Variants in NRXN1 observed in about 807,000 individuals in gnomAD.
NRXN1 encodes neurexin-1.
A neutral mutation model predicts 150.9 loss-of-function variants in NRXN1; 39 were observed. The observed-to-expected ratio is 0.26, with a 90% CI of 0.20 to 0.34. The LOEUF (loss-of-function observed/expected upper bound fraction) is 0.34, where lower values mean the gene tolerates loss of function less well. Ranked by LOEUF, NRXN1 falls within the 10% of genes least tolerant of loss-of-function variation. NRXN1 has a pLI of 1.00. For synonymous variants in NRXN1, 924 were observed against 757.0 expected, an observed-to-expected ratio of 1.22 and a Z score of -3.62; for missense variants, 1,815 against 1,949.9, an observed-to-expected ratio of 0.93 and a Z score of 1.30.
chr2:50,469,321 T>C (rs1193733663), intron 16 of NRXN1, among the ~76,000 whole-genome samples: 1 of 151,690 alleles, frequency 6.6e-6, no homozygotes, highest in East Asian at 1.9e-4. Context: ...AAATGAACCA[T>C]TACTCCCTGA....
At chr2:49,932,735 AT>A (rs1376710782) in intron 22 of NRXN1, among the ~76,000 whole-genome samples, 1 of 152,124 alleles carries the variant, frequency 6.6e-6, no homozygotes, top group Non-Finnish European at 1.5e-5. Context: ...TTTGTTTCTT[AT>A]TTTATGTAGT....
Position 51,028,132 on chromosome 2 carries a change from C to A in NRXN1, c.142G>T (p.Ala48Ser). ...AAGCTCATCTCGCTCTCGCAGCAGG[C>A]GTTCCACTTGGGGAAGCGCGTCCAT... ...GQWTRFPKWN[A>S]CCESEMSFQL... Residue 48 changes from alanine (A) to serine (S), a missense_variant, in exon 2 of 23, where the codon GCC becomes TCC. This residue lies in a region of NRXN1 where 554 missense variants were observed against 478.8 expected (regional missense o/e 1.16). Coordinates refer to ENST00000401669, the MANE Select transcript of NRXN1 (RefSeq NM_001330078.2). 1 of 1,562,488 alleles carries A rather than the reference C, an allele frequency of 6.4e-7. No individual in the cohort carries two copies. Among genetic ancestry groups the A allele is most frequent in the Admixed American group, 1.8e-5 (1 of 56,280 alleles).
chr2:50,925,319 A>T (rs144300456), intron 3 of NRXN1, among the ~76,000 whole-genome samples: 1 of 151,876 alleles, frequency 6.6e-6, no homozygotes, highest in Non-Finnish European at 1.5e-5. Context: ...GACAGAGATA[A>T]TTTTTTATAA....
rs2069026487 is a variant in NRXN1 at position 50,267,414 on chromosome 2, GT to G, written c.3365-30445del. ...TTTATGGTACATATATTTCTTCAAAGTAAGAAAGAACTATTCATTTCAATAA... is the reference window on the plus strand; with the variant it reads ...TTTATGGTACATATATTTCTTCAAAGAAGAAAGAACTATTCATTTCAATAA... On this transcript the variant is annotated intron_variant, in intron 17 of 22. Coordinates refer to ENST00000401669, the MANE Select transcript of NRXN1 (RefSeq NM_001330078.2). 2.6e-5 allele frequency among the ~76,000 whole-genome samples: 4 copies of G among 152,208 alleles called. No individual in the cohort carries two copies. The South Asian group carries it at 8.3e-4, about 32-fold the overall frequency.
At chr2:50,899,329 A>C (rs1284688649) in intron 5 of NRXN1, among the ~76,000 whole-genome samples, 1 of 152,214 alleles carries the variant, frequency 6.6e-6, no homozygotes, top group African/African-American at 2.4e-5. Context: ...TGGTTGCAGA[A>C]GGCTTGGAAC....
At chr2:50,126,687 C>T (rs1704634438) in intron 18 of NRXN1, among the ~76,000 whole-genome samples, 1 of 151,856 alleles carries the variant, frequency 6.6e-6, no homozygotes, top group South Asian at 2.1e-4. Flanking sequence ...AAGAGAACAT[C>T]TCATTAACAT....
chr2:49,988,577 T>C (rs1426546199), intron 21 of NRXN1, among the ~76,000 whole-genome samples: 1 of 150,730 alleles, frequency 6.6e-6, no homozygotes, highest in Non-Finnish European at 1.5e-5. Context: ...TTAGACATTT[T>C]ACCCTCCTTA....
intron 5 of NRXN1, among the ~76,000 whole-genome samples, chr2:50,678,825 G>A (rs1559113157): frequency 6.6e-6 from 1 of 152,106 alleles, no homozygotes; most frequent in Non-Finnish European, 1.5e-5. Flanking sequence ...GGGGAGTAGA[G>A]CAAGATGATT....
At position 50,460,597 on chromosome 2, in the gene NRXN1, G is replaced by T. The variant is rs180920715; in HGVS notation, c.3364+4845C>A. ...TTTATGATGTCAATTCTAAAAAGAA[G>T]AACAAAGATAAGTTTACGTAAAATA... On this transcript the variant is annotated intron_variant, in intron 17 of 22. Transcript: ENST00000401669. Among the ~76,000 whole-genome samples the T allele has an allele frequency of 1.1e-4, 16 of 152,062 alleles. No homozygotes were observed. The East Asian group carries it at 2.7e-3, about 26-fold the overall frequency.
At chr2:50,526,808 G>T (rs2092964239) in intron 12 of NRXN1, 1 of 152,110 alleles carries the variant, frequency 6.6e-6, no homozygotes, top group African/African-American at 2.4e-5. Flanking sequence ...TTGAATTCAA[G>T]TATCACATAC....
intron 2 of NRXN1, among the ~76,000 whole-genome samples, chr2:50,971,193 T>G (rs895749384): frequency 6.6e-6 from 1 of 152,160 alleles, no homozygotes; most frequent in Non-Finnish European, 1.5e-5. Context: ...AATTAGTGCA[T>G]AGTAGACAGC....
chr2:50,741,719 T>A (rs749945748), intron 5 of NRXN1, among the ~76,000 whole-genome samples: 10 of 152,186 alleles, frequency 6.6e-5, no homozygotes, highest in Non-Finnish European at 1.5e-4. Context: ...ATTTTCTTCA[T>A]GCTGGCTTTC....
At chr2:50,170,425 A>T (rs1238502497) in intron 18 of NRXN1, among the ~76,000 whole-genome samples, 2 of 152,204 alleles carry the variant, frequency 1.3e-5, no homozygotes, top group African/African-American at 4.8e-5. Context: ...CATCCTGAGT[A>T]GCTGGGACTA....
intron 5 of NRXN1, among the ~76,000 whole-genome samples, chr2:50,839,219 C>T (rs1192187317): frequency 1.3e-5 from 2 of 152,004 alleles, no homozygotes; most frequent in Non-Finnish European, 2.9e-5. Flanking sequence ...TTTCTGAAGC[C>T]TTTTTAATCT....
At chr2:49,975,480 G>T (rs1363808710) in intron 21 of NRXN1, among the ~76,000 whole-genome samples, 1 of 151,996 alleles carries the variant, frequency 6.6e-6, no homozygotes, top group Non-Finnish European at 1.5e-5. Flanking sequence ...ATTTGTCTTG[G>T]CAACTATTTT....
intron 2 of NRXN1, among the ~76,000 whole-genome samples, chr2:50,992,953 A>C (rs529948986): frequency 1.3e-5 from 2 of 152,098 alleles, no homozygotes; most frequent in East Asian, 1.9e-4. Context: ...CAAGTGCATA[A>C]ATTTGCAGAA....
At chr2:50,443,939 A>G (rs1231498405) in intron 17 of NRXN1, among the ~76,000 whole-genome samples, 2 of 152,198 alleles carry the variant, frequency 1.3e-5, no homozygotes, top group African/African-American at 4.8e-5. Flanking sequence ...AATTACAAAA[A>G]TGTACCTGGG....
At chr2:49,958,092 G>A (rs938284749) in intron 21 of NRXN1, among the ~76,000 whole-genome samples, 4 of 152,116 alleles carry the variant, frequency 2.6e-5, no homozygotes, top group African/African-American at 9.7e-5. Flanking sequence ...GCAAAGCCCA[G>A]TAAAATCCAA....
rs567621519 is a variant in NRXN1, at chr2:50,735,918, T to C, written c.833-112303A>G. On this transcript the variant is annotated intron_variant, in intron 5 of 22. Transcript: ENST00000401669. ...GACATTATGATAGCAACTACTGCAA[T>C]AGCTTTTTAATGGGCTCTCAGACAT... Among the ~76,000 whole-genome samples, 29 of 152,336 alleles carry C rather than the reference T, an allele frequency of 1.9e-4. No homozygotes were observed. The East Asian group carries it at 4.4e-3, about 23-fold the overall frequency.
Sources: gnomAD v4.1 joint callset for allele counts (sites outside exome capture counted in the v4.1 genomes callset) on GRCh38, gnomAD v4.1.1 for gene constraint, gnomAD v4.1.1 regional missense constraint, MANE v1.5 for transcripts, NCBI Gene and HGNC (gene_info 2026-07-23, HGNC 2026-07-21) for gene names.